NAV1: variants seen among roughly 807,000 people sequenced by gnomAD.
NAV1 encodes the protein neuron navigator 1.
A neutral mutation model predicts 175.2 loss-of-function variants in NAV1; 18 were observed. That is an observed-to-expected ratio of 0.10 (90% CI 0.07 to 0.15). NAV1 has a LOEUF of 0.15. NAV1 is among the 10% of genes least tolerant of loss of function. The pLI is 1.00. For missense variants in NAV1, 1,731 were observed against 2,436.6 expected (o/e 0.71, Z 6.10); for synonymous variants, 897 against 978.7 (o/e 0.92, Z 1.56).
chr1:201,667,592 AC>A (rs1669877026), intron 1 of NAV1, among the ~76,000 whole-genome samples: 2 of 152,190 alleles, frequency 1.3e-5, no homozygotes, highest in South Asian at 4.2e-4. Context: ...TAGACAGTGG[AC>A]CCGGGGAGGA....
At chr1:201,756,828 CTTTCTTTCTTTCTT>C (rs1285426161) in intron 3 of NAV1, among the ~76,000 whole-genome samples, 1 of 21,314 alleles carries the variant, frequency 4.7e-5, no homozygotes, top group Non-Finnish European at 5.2e-4. Context: ...TTCTTTCTTT[CTTTCTTTCTTTCTT>C]TCTTTCTTTC....
intron 3 of NAV1, among the ~76,000 whole-genome samples, chr1:201,770,360 G>A (rs1037110127): frequency 3.3e-5 from 5 of 152,126 alleles, no homozygotes; most frequent in African/African-American, 1.2e-4. Context: ...GCTAGGAAGT[G>A]GGCAAGAAAA....
At chr1:201,629,097 C>T (rs1054598355) in intron 1 of NAV1, among the ~76,000 whole-genome samples, 18 of 152,192 alleles carry the variant, frequency 1.2e-4, no homozygotes, top group African/African-American at 4.1e-4. Context: ...CTAGGGTATC[C>T]CTCTGCCCTA....
At chr1:201,683,010 A>G (rs186971413) in intron 1 of NAV1, among the ~76,000 whole-genome samples, 8 of 152,268 alleles carry the variant, frequency 5.3e-5, no homozygotes, top group African/African-American at 1.7e-4. Context: ...TTGGAAGTCC[A>G]GACTTTATTT....
chr1:201,802,471 AAAAAAG>A (rs1414129091), intron 15 of NAV1, among the ~76,000 whole-genome samples: 1 of 130,852 alleles, frequency 7.6e-6, no homozygotes, highest in Non-Finnish European at 1.7e-5. Context: ...AAAAAAAAAA[AAAAAAG>A]AAAGAAAGAA....
At chr1:201,646,835 G>A (rs113519269), upstream of NAV1, among the ~76,000 whole-genome samples, 76 of 152,254 alleles carry the variant, frequency 5.0e-4, 2 homozygotes, top group South Asian at 5.8e-3. Context: ...TTCTACACCC[G>A]GAGAGATCCT....
chr1:201,733,761 G>T (rs545052878), intron 3 of NAV1, among the ~76,000 whole-genome samples: 1 of 152,266 alleles, frequency 6.6e-6, no homozygotes, highest in Admixed American at 6.5e-5. Flanking sequence ...GCAGGAATCG[G>T]CATAAGTTCA....
At chr1:201,778,810 G>A (rs1454329183) in intron 3 of NAV1, among the ~76,000 whole-genome samples, 1 of 152,184 alleles carries the variant, frequency 6.6e-6, no homozygotes, top group Non-Finnish European at 1.5e-5. Flanking sequence ...CCACTTAGAT[G>A]ACTTGCATGT....
At chr1:201,630,809 T>C (rs897442058) in intron 2 of NAV1, among the ~76,000 whole-genome samples, 4 of 152,338 alleles carry the variant, frequency 2.6e-5, no homozygotes, top group Admixed American at 2.6e-4. Context: ...CAGGAAACTA[T>C]GTGGAGCTCT....
intron 1 of NAV1, among the ~76,000 whole-genome samples, chr1:201,576,816 T>G (rs932926135): frequency 2.6e-5 from 4 of 152,252 alleles, no homozygotes; most frequent in Non-Finnish European, 4.4e-5. Context: ...GCTTTAAAAT[T>G]GTAGCCATTC....
intron 3 of NAV1, among the ~76,000 whole-genome samples, chr1:201,763,234 G>A (rs1674971295): frequency 6.6e-6 from 1 of 152,086 alleles, no homozygotes; most frequent in Non-Finnish European, 1.5e-5. Context: ...TTTATACTTG[G>A]GGAAATTGAG....
At position 201,809,429 on chromosome 1, in the gene NAV1, C is replaced by T. The variant is rs1314164854; in HGVS notation, c.4306-13C>T. 1.2e-6 allele frequency: 2 copies of T among 1,613,570 alleles called. No individual in the cohort carries two copies. The highest frequency in any genetic ancestry group is 1.7e-6 in the Non-Finnish European group (2 of 1,179,760). On this transcript the variant is annotated splice_polypyrimidine_tract_variant and intron_variant, in intron 21 of 29. Coordinates refer to ENST00000367296, the Ensembl canonical transcript of NAV1. ...AGTGAAGCTCAAGAGCTTTTCCTTC[C>T]TTGGCCTTACAGGACTTGAAGCAGC...
intron 3 of NAV1, among the ~76,000 whole-genome samples, chr1:201,728,599 C>CAAAAAAAAA (rs1278753255): frequency 1.7e-5 from 1 of 58,754 alleles, no homozygotes; most frequent in Non-Finnish European, 3.8e-5. Context: ...CATCGCAAAA[C>CAAAAAAAAA]AAAAAAAAAA....
At chr1:201,581,851 C>T (rs1456896223) in intron 1 of NAV1, among the ~76,000 whole-genome samples, 1 of 151,920 alleles carries the variant, frequency 6.6e-6, no homozygotes, top group Non-Finnish European at 1.5e-5. Flanking sequence ...AATAATAAAG[C>T]TCCCTGATAA....
chr1:201,680,454 C>T (rs936356422), intron 1 of NAV1, among the ~76,000 whole-genome samples: 1 of 151,792 alleles, frequency 6.6e-6, no homozygotes, highest in East Asian at 1.9e-4. Flanking sequence ...TGTGGTGAGC[C>T]GAGATCGCGC....
At chr1:201,755,237 A>G (rs946225014) in intron 3 of NAV1, among the ~76,000 whole-genome samples, 2 of 152,186 alleles carry the variant, frequency 1.3e-5, no homozygotes, top group Non-Finnish European at 2.9e-5. Flanking sequence ...ATATTATCTT[A>G]TTTCCCCTGC....
chr1:201,747,856 C>A (rs1673868486), intron 3 of NAV1, among the ~76,000 whole-genome samples: 1 of 152,214 alleles, frequency 6.6e-6, no homozygotes, highest in African/African-American at 2.4e-5. Flanking sequence ...AGTTTCCAGG[C>A]CCTGGGTTGC....
chr1:201,623,333 C>T (rs1416542093), exon 1 of NAV1: 3 of 985,796 alleles, frequency 3.0e-6, no homozygotes, highest in East Asian at 1.1e-4. Context: ...CCTTCTCGGA[C>T]GAGCTTTCAC....
intron 2 of NAV1, among the ~76,000 whole-genome samples, chr1:201,641,960 CT>C (rs1190309418): frequency 6.8e-6 from 1 of 146,224 alleles, no homozygotes; most frequent in Non-Finnish European, 1.5e-5. Context: ...TCTTCCCTTC[CT>C]TCCTTTCTCT....
Sources: allele counts gnomAD v4.1 joint callset (sites outside exome capture counted in the v4.1 genomes callset), GRCh38; gene constraint gnomAD v4.1.1; transcripts MANE v1.5; gene names NCBI Gene and HGNC (gene_info 2026-07-23, HGNC 2026-07-21).